Variants in SYNJ2 observed in about 807,000 individuals in gnomAD.
SYNJ2 encodes the protein polyphosphatidylinositol phosphatase SYNJ2.
SYNJ2 carries 116 observed loss-of-function variants against 141.3 expected under a neutral mutation model. That is an observed-to-expected ratio of 0.82 (90% CI 0.71 to 0.96). The LOEUF is 0.96. SYNJ2 is among the 40% of genes least tolerant of loss of function. The pLI, the probability that SYNJ2 is intolerant of heterozygous loss-of-function variation, is 0.00. For synonymous variants in SYNJ2, 745 were observed against 777.7 expected (o/e 0.96, Z 0.70); for missense variants, 1,873 against 1,934.8 (o/e 0.97, Z 0.60).
intron 2 of SYNJ2, among the ~76,000 whole-genome samples, chr6:158,019,782 C>T (rs545403092): frequency 6.6e-6 from 1 of 152,274 alleles, no homozygotes; most frequent in East Asian, 1.9e-4. Flanking sequence ...TTGACTTTGG[C>T]GATGTCAGGA....
At chr6:158,006,349 A>G (rs1778070886) in intron 1 of SYNJ2, among the ~76,000 whole-genome samples, 1 of 152,014 alleles carries the variant, frequency 6.6e-6, no homozygotes, top group African/African-American at 2.4e-5. Context: ...TTGCCCCTCA[A>G]CTTTACTGAA....
intron 1 of SYNJ2, 116 bp from the exon 2 acceptor site, chr6:158,017,088 T>A: frequency 6.9e-7 from 1 of 1,451,026 alleles, no homozygotes; most frequent in Middle Eastern, 1.8e-4. Flanking sequence ...CGAGCTATTG[T>A]CTTTGTGTTT....
In SYNJ2 at chr6:158,078,187, A is replaced by G. The variant is rs773951537; in HGVS notation, c.2473A>G (p.Ser825Gly). 13 of 1,613,232 alleles carry G rather than the reference A, an allele frequency of 8.1e-6. No individual in the cohort carries two copies. Among genetic ancestry groups the G allele is most frequent in the Non-Finnish European group, 1.1e-5 (13 of 1,179,188 alleles). ...KTAGELNLLD[S>G]DLDVDTKVRH... is the part of the protein sequence containing the mutation. ...AGCTGGAGAACTCAACCTTCTAGAC[A>G]GTGATCTAGATGTTGACACCAAAGT... Residue 825 changes from serine to glycine, a missense_variant, in exon 18 of 27, where the codon AGT (serine) becomes GGT (glycine). By Grantham distance (56) the Ser-to-Gly change is moderately conservative. Coordinates refer to ENST00000355585, the MANE Select transcript of SYNJ2 (RefSeq NM_003898.4).
At chr6:158,089,311 A>G (rs1162785631) in intron 24 of SYNJ2, among the ~76,000 whole-genome samples, 1 of 151,992 alleles carries the variant, frequency 6.6e-6, no homozygotes, top group African/African-American at 2.4e-5. Flanking sequence ...AGAGAGGGGA[A>G]GCTGGGTGCT....
At chr6:158,094,551 T>A (rs1424452809) in intron 26 of SYNJ2, among the ~76,000 whole-genome samples, 1 of 152,226 alleles carries the variant, frequency 6.6e-6, no homozygotes, top group Non-Finnish European at 1.5e-5. Flanking sequence ...GGAACCATTG[T>A]AAGTCGGGGA....
At chr6:158,072,268 C>T (rs1193348862) in intron 15 of SYNJ2, among the ~76,000 whole-genome samples, 4 of 152,336 alleles carry the variant, frequency 2.6e-5, no homozygotes, top group African/African-American at 7.2e-5. Context: ...ACTGGGAACA[C>T]GGTTCTTGAC....
intron 3 of SYNJ2, among the ~76,000 whole-genome samples, chr6:158,032,556 T>G (rs1779422457): frequency 1.3e-5 from 2 of 152,072 alleles, no homozygotes; most frequent in Non-Finnish European, 2.9e-5. Flanking sequence ...CAGGTGCACA[T>G]GGAAACGTAG....
At position 158,088,756 on chromosome 6, in the gene SYNJ2, G is replaced by C; in HGVS notation, c.3440G>C (p.Gly1147Ala). The C allele has an allele frequency of 6.2e-7, 1 of 1,613,414 alleles. No homozygotes were observed. The highest frequency in any genetic ancestry group is 8.5e-7 in the Non-Finnish European group (1 of 1,179,466). ...SILQTARLLPGAPQQPPKART... is the reference protein window; with the variant it reads ...SILQTARLLPAAPQQPPKART... Reference sequence around the variant, plus strand: ...TTGCAGACGGCAAGACTTCTACCAGGAGCACCTCAGCAACCTGTGAGTTCT... The same window carrying C: ...TTGCAGACGGCAAGACTTCTACCAGCAGCACCTCAGCAACCTGTGAGTTCT... Residue 1147 changes from glycine to alanine, a missense_variant, in exon 24 of 27, where the codon GGA (glycine) becomes GCA (alanine). Transcript: ENST00000355585.
chr6:158,063,670 A>G, intron 8 of SYNJ2, 121 bp from the exon 9 acceptor site: 1 of 483,616 alleles, frequency 2.1e-6, no homozygotes, highest in South Asian at 2.9e-5. Flanking sequence ...AAAAAAAAAA[A>G]AAAAAAAAAA....
In SYNJ2 at chr6:158,033,593, C is replaced by A. The variant is rs766828279; in HGVS notation, c.624C>A (p.Arg208=). ...AGGCCAAGGCCTGCCTCGTCTCTCG[C>A]GTTAGCTGTGAGCGCACAGGCACTC... ...HKQAKACLVS[R]VSCERTGTRF... The change falls in exon 4 of 27, where the codon CGC becomes CGA. Residue 208 remains arginine (R), a synonymous_variant. Transcript: ENST00000355585. The A allele has an allele frequency of 6.2e-6, 10 of 1,613,990 alleles. No homozygotes were observed. The East Asian group carries it at 1.3e-4, about 22-fold the overall frequency.
rs1779123333 is a variant in SYNJ2 at position 158,027,682 on chromosome 6, G to A, written c.215-1074G>A. 1 of 152,372 alleles carries A rather than the reference G, an allele frequency of 6.6e-6. No homozygotes were observed. The highest frequency in any genetic ancestry group is 1.5e-5 in the Non-Finnish European group (1 of 68,180). 9.4% of individuals were successfully genotyped at this position (152,372 alleles called of 1,614,324 possible). A position where few individuals can be genotyped will look rare whatever the true frequency, so the allele number is the denominator to read the frequency against. ...CTGCCCCCAAGGAAGCCCCTCCCCT[G>A]GGGGCACAGGTGGGGAGGGAGGTCA... On this transcript the variant is annotated intron_variant, in intron 2 of 26. Transcript: ENST00000355585. The surrounding 1 kb of genome is among the most constrained non-coding windows in gnomAD (Gnocchi z 4.6).
rs1230542129 is a variant in SYNJ2, at chr6:158,084,215, G to C, written c.3208+41G>C. The stretch of plus-strand genomic sequence containing the variant: ...TTTTCTCAGGAGCCTCAGCGATGGA[G>C]TCAGCTCAGGACAGACTTTCCTTTT... On this transcript the variant is annotated intron_variant, in intron 22 of 26. Coordinates refer to ENST00000355585, the MANE Select transcript of SYNJ2 (RefSeq NM_003898.4). This position sits in a 1 kb window ranked among gnomAD's most constrained non-coding sequence, Gnocchi z 5.0. The C allele has an allele frequency of 6.3e-7, 1 of 1,596,726 alleles. No homozygotes were observed. Among genetic ancestry groups the C allele is most frequent in the East Asian group, 2.2e-5 (1 of 44,686 alleles).
rs1338777530 is a variant in SYNJ2, at chr6:158,068,715, A to G, written c.1786A>G (p.Ile596Val). The change falls in exon 13 of 27, where the codon ATT (isoleucine) becomes GTT (valine). Residue 596 changes from isoleucine (I) to valine (V), a missense_variant. By Grantham distance (29) the Ile-to-Val change is conservative. Transcript: ENST00000355585. ...GATGGTGGAATTGAGCGCAGGGAAT[A>G]TTGTCAATGCCAGGTAAGGGGCCAG... ...EEMVELSAGN[I>V]VNASTTNKKM... 2.5e-6 allele frequency: 4 copies of G among 1,613,978 alleles called. No homozygotes were observed. The highest frequency in any genetic ancestry group is 3.4e-6 in the Non-Finnish European group (4 of 1,180,042).
chr6:158,052,942 G>A (rs1051686460), intron 5 of SYNJ2, among the ~76,000 whole-genome samples: 2 of 152,224 alleles, frequency 1.3e-5, no homozygotes, highest in Non-Finnish European at 1.5e-5. Flanking sequence ...ACCTTTTCCC[G>A]CCTTGAGTCC....
In SYNJ2 at chr6:158,031,512, G is replaced by A. The variant is rs545680792; in HGVS notation, c.486-1943G>A. On this transcript the variant is annotated intron_variant, in intron 3 of 26. Transcript: ENST00000355585. ...CTCCTCAGCTGTAACACGCCAGGGC[G>A]TGGTGTTTAGGCTCAGGGTGGAGCC... Among the ~76,000 whole-genome samples, 117 of 152,362 alleles carry A rather than the reference G, an allele frequency of 7.7e-4. 2 individuals are homozygous for A. The highest frequency in any genetic ancestry group is 2.7e-3 in the African/African-American group (112 of 41,584).
chr6:158,065,855 A>G (rs1210120926), intron 11 of SYNJ2, among the ~76,000 whole-genome samples: 2 of 152,216 alleles, frequency 1.3e-5, no homozygotes, highest in African/African-American at 4.8e-5. Context: ...GATTTGGTTT[A>G]CATCACAAGT....
At chr6:158,036,124 A>G (rs1779623693) in intron 4 of SYNJ2, among the ~76,000 whole-genome samples, 1 of 152,208 alleles carries the variant, frequency 6.6e-6, no homozygotes, top group African/African-American at 2.4e-5. Context: ...CCCTCACACA[A>G]GTCAAATGGC....
At chr6:158,073,775 T>G (rs1782090026) in intron 15 of SYNJ2, among the ~76,000 whole-genome samples, 1 of 151,510 alleles carries the variant, frequency 6.6e-6, no homozygotes, top group African/African-American at 2.4e-5. Context: ...ATGGGGGGAG[T>G]GGAAATGCCT....
At chr6:157,985,523 C>T (rs994966681) in intron 1 of SYNJ2, among the ~76,000 whole-genome samples, 2 of 152,176 alleles carry the variant, frequency 1.3e-5, no homozygotes, top group Admixed American at 1.3e-4. Flanking sequence ...GCCCCGTAGC[C>T]GGTACCAGCA....
Sources: allele counts gnomAD v4.1 joint callset (sites outside exome capture counted in the v4.1 genomes callset), GRCh38; gene constraint gnomAD v4.1.1; non-coding constraint Gnocchi (gnomAD v3.1); transcripts MANE v1.5; gene names NCBI Gene and HGNC (gene_info 2026-07-23, HGNC 2026-07-21).